Variants in GNAQ observed in about 807,000 individuals in gnomAD.
The protein encoded by GNAQ is guanine nucleotide-binding protein G(q) subunit alpha.
A neutral mutation model predicts 43.9 loss-of-function variants in GNAQ; 8 were observed. That is an observed-to-expected ratio of 0.18 (90% CI 0.11 to 0.33). GNAQ has a LOEUF of 0.33. Ranked by LOEUF, GNAQ falls within the 10% of genes least tolerant of loss-of-function variation. GNAQ has a pLI of 1.00. For missense variants in GNAQ, 158 were observed against 450.8 expected (o/e 0.35, Z 5.88); for synonymous variants, 155 against 170.7 (o/e 0.91, Z 0.71).
chr9:77,802,058 A>G (rs141384410), intron 3 of GNAQ, among the ~76,000 whole-genome samples: 2 of 152,120 alleles, frequency 1.3e-5, no homozygotes, highest in East Asian at 1.9e-4. Context: ...TGTCAGCTAC[A>G]TCGGAGGCTT....
chr9:77,784,839 A>G (rs1282703048), intron 5 of GNAQ, among the ~76,000 whole-genome samples: 1 of 152,244 alleles, frequency 6.6e-6, no homozygotes, highest in African/African-American at 2.4e-5. Context: ...TTCCCATGGC[A>G]AAGTACTCAA....
At chr9:77,997,884 T>C (rs1346955405) in intron 1 of GNAQ, among the ~76,000 whole-genome samples, 1 of 152,092 alleles carries the variant, frequency 6.6e-6, no homozygotes, top group African/African-American at 2.4e-5. Context: ...TACTAATAAA[T>C]ATGGTTAGTG....
chr9:77,744,601 C>T (rs530269600), intron 5 of GNAQ, among the ~76,000 whole-genome samples: 130 of 151,970 alleles, frequency 8.6e-4, no homozygotes, highest in Non-Finnish European at 1.7e-3. Context: ...GCTAGCTTTC[C>T]AATGATTTAA....
At chr9:77,859,045 A>T (rs1827802843) in intron 2 of GNAQ, among the ~76,000 whole-genome samples, 1 of 152,066 alleles carries the variant, frequency 6.6e-6, no homozygotes, top group Non-Finnish European at 1.5e-5. Context: ...CACATCAAAC[A>T]CAGGAGCAGA....
At chr9:77,859,659 G>C (rs1202802412) in intron 2 of GNAQ, among the ~76,000 whole-genome samples, 1 of 152,170 alleles carries the variant, frequency 6.6e-6, no homozygotes, top group Non-Finnish European at 1.5e-5. Flanking sequence ...AAGAAAATTA[G>C]CTCCATTCAG....
intron 2 of GNAQ, among the ~76,000 whole-genome samples, chr9:77,835,746 C>T (rs1372752415): frequency 1.3e-5 from 2 of 152,092 alleles, no homozygotes; most frequent in Admixed American, 6.6e-5. Flanking sequence ...AAATAACTTG[C>T]CTACGAATTG....
At chr9:77,854,812 A>G (rs1288525279) in intron 2 of GNAQ, among the ~76,000 whole-genome samples, 1 of 152,200 alleles carries the variant, frequency 6.6e-6, no homozygotes, top group Non-Finnish European at 1.5e-5. Context: ...GGACAATGGT[A>G]TCGATCCTGC....
intron 1 of GNAQ, among the ~76,000 whole-genome samples, chr9:77,985,625 C>T (rs1026825174): frequency 1.3e-5 from 2 of 152,130 alleles, no homozygotes; most frequent in African/African-American, 4.8e-5. Context: ...CGCTCTGTGG[C>T]TCAGGCTGGA....
intron 1 of GNAQ, among the ~76,000 whole-genome samples, chr9:77,979,216 T>C (rs975986678): frequency 6.6e-6 from 1 of 151,686 alleles, no homozygotes; most frequent in Non-Finnish European, 1.5e-5. Flanking sequence ...ATTAACCAGG[T>C]ACGGTGGCGG....
chr9:77,763,141 C>CAAACAA (rs1462515368), intron 5 of GNAQ, among the ~76,000 whole-genome samples: 43 of 64,888 alleles, frequency 6.6e-4, no homozygotes, highest in African/African-American at 1.3e-3. Context: ...AACAAACAAA[C>CAAACAA]AAAAAAAAAA....
intron 4 of GNAQ, 28 bp from the exon 5 acceptor site, chr9:77,794,620 T>C (rs1441059093): frequency 2.7e-6 from 4 of 1,487,508 alleles, no homozygotes; most frequent in Admixed American, 3.7e-5. Flanking sequence ...CTCATATTAA[T>C]AACATATAAA....
intron 1 of GNAQ, among the ~76,000 whole-genome samples, chr9:77,926,320 G>A (rs1446230844): frequency 5.9e-5 from 9 of 152,046 alleles, no homozygotes; most frequent in Non-Finnish European, 1.2e-4. Context: ...TAAAAAAACA[G>A]CTGTTCCCAA....
intron 1 of GNAQ, among the ~76,000 whole-genome samples, chr9:77,989,484 T>C (rs929856102): frequency 1.6e-4 from 25 of 152,214 alleles, no homozygotes; most frequent in Non-Finnish European, 3.2e-4. Context: ...GAGGTGGCCA[T>C]GTGATATTGG....
rs1175089721 is a variant in GNAQ, at chr9:77,753,103, A to AAG, written c.736-24437_736-24436insCT. On this transcript the variant is annotated intron_variant, in intron 5 of 6. Transcript: ENST00000286548. ...CTCTGTCTCAAAAAAAAAAAAAAAA[A>AAG]AAAGAAAAAGGAAAAAAAGAAGATT... is the stretch of plus-strand genomic sequence containing the variant. Among the ~76,000 whole-genome samples, 1,469 of 150,608 alleles carry AAG rather than the reference A, an allele frequency of 9.8e-3. 37 individuals carry two copies. The highest frequency in any genetic ancestry group is 0.034 in the African/African-American group (1,368 of 40,394).
chr9:77,941,751 T>A (rs1829317561), intron 1 of GNAQ, among the ~76,000 whole-genome samples: 1 of 152,192 alleles, frequency 6.6e-6, no homozygotes, highest in South Asian at 2.1e-4. Context: ...TCCATCCATA[T>A]GATGAGAGAC....
chr9:77,716,259 T>C lies in GNAQ; in HGVS notation c.*5064A>G, dbSNP rs985844011. 1 of 227,870 alleles carries C rather than the reference T, an allele frequency of 4.4e-6. No individual in the cohort carries two copies. Among genetic ancestry groups the C allele is most frequent in the Admixed American group, 5.7e-5 (1 of 17,592 alleles). The allele number at this position is 227,870 out of a possible 1,614,324, so 14.1% of individuals were successfully genotyped here. A position where few individuals can be genotyped will look rare whatever the true frequency, so the allele number is the denominator to read the frequency against. ...GGAAGCAAAACTCAACAATGAAGAA[T>C]ACTATAGTACAAAATTATGGCCAAA... On this transcript the variant is annotated 3_prime_UTR_variant, in exon 7 of 7. Coordinates refer to ENST00000286548, the MANE Select transcript of GNAQ (RefSeq NM_002072.5).
chr9:77,782,956 A>T (rs1275703667), intron 5 of GNAQ, among the ~76,000 whole-genome samples: 1 of 152,278 alleles, frequency 6.6e-6, no homozygotes, highest in Non-Finnish European at 1.5e-5. Context: ...CTATGAAGAC[A>T]GCAGAAAGAT....
chr9:77,811,043 G>A (rs1265419952), intron 3 of GNAQ, among the ~76,000 whole-genome samples: 1 of 152,000 alleles, frequency 6.6e-6, no homozygotes, highest in African/African-American at 2.4e-5. Context: ...CTAGAGTTGT[G>A]GAGAGAACTG....
At chr9:77,775,434 G>A (rs1478842787) in intron 5 of GNAQ, among the ~76,000 whole-genome samples, 1 of 108,730 alleles carries the variant, frequency 9.2e-6, no homozygotes, top group East Asian at 3.7e-4. Flanking sequence ...TTTTGAGACA[G>A]AGTCTCGCTC....
Sources: gnomAD v4.1 joint callset for allele counts (sites outside exome capture counted in the v4.1 genomes callset) on GRCh38, gnomAD v4.1.1 for gene constraint, MANE v1.5 for transcripts, NCBI Gene and HGNC (gene_info 2026-07-23, HGNC 2026-07-21) for gene names.